Variants in SERP2 observed in about 807,000 individuals in gnomAD.
SERP2 encodes stress associated endoplasmic reticulum protein family member 2.
In SERP2, 6 loss-of-function variants were observed where a neutral mutation model predicts 9.1. The observed-to-expected ratio is 0.66, with a 90% CI of 0.36 to 1.30. SERP2 has a LOEUF of 1.30. Among genes scored for constraint, SERP2 ranks in the 50% most tolerant of loss-of-function variants. The probability of loss-of-function intolerance (pLI) is 0.03; values close to 1 mark genes in which losing one functional copy is unlikely to be tolerated. For synonymous variants in SERP2, 37 were observed against 27.3 expected, an observed-to-expected ratio of 1.35 and a Z score of -1.10; for missense variants, 58 against 81.9, an observed-to-expected ratio of 0.71 and a Z score of 1.13.
intron 2 of SERP2, among the ~76,000 whole-genome samples, chr13:44,381,486 G>T (rs1386532310): frequency 6.6e-6 from 1 of 152,198 alleles, no homozygotes; most frequent in East Asian, 1.9e-4. Flanking sequence ...AGCTTGCAGT[G>T]AGCCGAGATC....
chr13:44,385,909 C>T (rs1297331967), intron 2 of SERP2, among the ~76,000 whole-genome samples: 2 of 152,158 alleles, frequency 1.3e-5, no homozygotes, highest in African/African-American at 2.4e-5. Flanking sequence ...AGGGGCACCA[C>T]GGGACCATCG....
chr13:44,388,929 A>G (rs1168433090), intron 2 of SERP2, among the ~76,000 whole-genome samples: 1 of 152,166 alleles, frequency 6.6e-6, no homozygotes, highest in East Asian at 1.9e-4. Context: ...AGGAAGAAGA[A>G]AAGTACAAGT....
chr13:44,391,309 A>G lies in SERP2; in HGVS notation c.158-5963A>G, dbSNP rs574860789. ...TTTAGAGACATTTGGATCTAAAGGC[A>G]GCCATTTGATGCTGACTCTTTGGGT... On this transcript the variant is annotated intron_variant, in intron 2 of 2. Transcript: ENST00000379179. 3.9e-5 allele frequency among the ~76,000 whole-genome samples: 6 copies of G among 152,348 alleles called. No homozygotes were observed. The South Asian group carries it at 1.2e-3, about 32-fold the overall frequency.
In SERP2 at chr13:44,374,116, C is replaced by T. The variant is rs778043392; in HGVS notation, c.84+7C>T. 1.6e-6 allele frequency: 2 copies of T among 1,277,102 alleles called. No individual in the cohort carries two copies. The highest frequency in any genetic ancestry group is 2.4e-5 in the Admixed American group (1 of 40,880). 79.1% of individuals were successfully genotyped at this position (1,277,102 alleles called of 1,614,324 possible). A position where few individuals can be genotyped will look rare whatever the true frequency, so the allele number is the denominator to read the frequency against. On this transcript the variant is annotated splice_region_variant and intron_variant, in intron 1 of 2. Coordinates refer to ENST00000379179, the MANE Select transcript of SERP2 (RefSeq NM_001010897.3). ...GAACGTAGCCAAAACCCTGGTAAGG[C>T]GGGGTCGGCGCCGGCCAGGCAGAGC...
At chr13:44,389,730 GTGTC>G (rs1872526614) in intron 2 of SERP2, among the ~76,000 whole-genome samples, 1 of 152,178 alleles carries the variant, frequency 6.6e-6, no homozygotes, top group African/African-American at 2.4e-5. Flanking sequence ...AGAGTCAGTG[GTGTC>G]ACCTCTGCAG....
At chr13:44,391,642 A>ACTT (rs1872776628) in intron 2 of SERP2, among the ~76,000 whole-genome samples, 1 of 152,190 alleles carries the variant, frequency 6.6e-6, no homozygotes. Context: ...AGTGGTTCTC[A>ACTT]AAGTGTGGTC....
At chr13:44,393,175 G>A (rs1821186548) in intron 2 of SERP2, among the ~76,000 whole-genome samples, 1 of 152,134 alleles carries the variant, frequency 6.6e-6, no homozygotes, top group South Asian at 2.1e-4. Context: ...GAAGAGAGCA[G>A]AAGATAAAAT....
chr13:44,373,907 T>C lies in SERP2; in HGVS notation c.-119T>C. On this transcript the variant is annotated 5_prime_UTR_variant, in exon 1 of 3. Coordinates refer to ENST00000379179, the MANE Select transcript of SERP2 (RefSeq NM_001010897.3). The surrounding 1 kb of genome is among the most constrained non-coding windows in gnomAD (Gnocchi z 4.8). ...GGTGCGCAGGGCTCGGGGCCACGCC[T>C]TGCCACCTGCAGCGCCCGGGTGGGC... The C allele has an allele frequency of 1.1e-6, 1 of 917,302 alleles. No homozygotes were observed. The highest frequency in any genetic ancestry group is 3.2e-5 in the East Asian group (1 of 31,178). The allele number at this position is 917,302 out of a possible 1,614,324, so 56.8% of individuals were successfully genotyped here.
chr13:44,374,730 G>C (rs368561729), intron 1 of SERP2, among the ~76,000 whole-genome samples: 2 of 152,138 alleles, frequency 1.3e-5, no homozygotes, highest in Non-Finnish European at 2.9e-5. Context: ...AAAATGGGGA[G>C]TGAGATTTGG....
upstream of SERP2, chr13:44,373,788 G>A (rs955788653): frequency 2.1e-5 from 10 of 467,882 alleles, no homozygotes; most frequent in Admixed American, 1.4e-4. The surrounding 1 kb of genome is among the most constrained non-coding windows in gnomAD (Gnocchi z 4.8). Context: ...GAAGGATGGC[G>A]AGGAAGTCGG....
At chr13:44,381,989 AGGATGGAT>A (rs57960396) in intron 2 of SERP2, among the ~76,000 whole-genome samples, 160 of 147,686 alleles carry the variant, frequency 1.1e-3, no homozygotes, top group South Asian at 3.1e-3. Flanking sequence ...GTTAGTGCTT[AGGATGGAT>A]GGATGGATGG....
Position 44,384,230 on chromosome 13 carries a change from G to A in SERP2, c.157+4517G>A, listed in dbSNP as rs551998567. ...GAAACACAATAGCTCCTTTAGATCC[G>A]TCCCTGTTGCCACCTCTCTGGAATT... On this transcript the variant is annotated intron_variant, in intron 2 of 2. Coordinates refer to ENST00000379179, the MANE Select transcript of SERP2 (RefSeq NM_001010897.3). Among the ~76,000 whole-genome samples the A allele has an allele frequency of 6.6e-5, 10 of 152,066 alleles. No homozygotes were observed. The South Asian group carries it at 1.5e-3, about 22-fold the overall frequency.
chr13:44,388,476 A>G (rs1483141747), intron 2 of SERP2, among the ~76,000 whole-genome samples: 2 of 152,202 alleles, frequency 1.3e-5, no homozygotes, highest in East Asian at 3.8e-4. Context: ...TTGCCCATCA[A>G]ATAGGAAATT....
chr13:44,374,005 G>A lies in SERP2; in HGVS notation c.-21G>A, dbSNP rs746582781. Reference sequence around the variant, plus strand: ...GCAGGGGGAATCCTTGCAGGTGGGAGCATTTCAGAGCGCACAAGCCATGGT... The same window carrying A: ...GCAGGGGGAATCCTTGCAGGTGGGAACATTTCAGAGCGCACAAGCCATGGT... On this transcript the variant is annotated 5_prime_UTR_variant, in exon 1 of 3. Transcript: ENST00000379179. The A allele has an allele frequency of 2.5e-6, 4 of 1,587,664 alleles. No individual in the cohort carries two copies. Among genetic ancestry groups the A allele is most frequent in the East Asian group, 4.8e-5 (2 of 42,068 alleles).
At chr13:44,387,607 C>A (rs1467872612) in intron 2 of SERP2, among the ~76,000 whole-genome samples, 1 of 152,148 alleles carries the variant, frequency 6.6e-6, no homozygotes, top group Non-Finnish European at 1.5e-5. Context: ...TTCTTGTGGT[C>A]TCACAGTATT....
At chr13:44,382,952 A>G (rs1313070454) in intron 2 of SERP2, among the ~76,000 whole-genome samples, 5 of 152,214 alleles carry the variant, frequency 3.3e-5, no homozygotes. Context: ...GAACTTCTAA[A>G]TCATACTCAG....
chr13:44,396,745 T>A (rs905715049), intron 2 of SERP2, among the ~76,000 whole-genome samples: 2 of 152,122 alleles, frequency 1.3e-5, no homozygotes, highest in Non-Finnish European at 2.9e-5. Flanking sequence ...GACAGCCGCC[T>A]TTCAGAGAGT....
At chr13:44,381,429 C>G (rs1261394385) in intron 2 of SERP2, among the ~76,000 whole-genome samples, 1 of 152,098 alleles carries the variant, frequency 6.6e-6, no homozygotes, top group African/African-American at 2.4e-5. Flanking sequence ...GTAGTCCCAG[C>G]TACTCAGGAG....
chr13:44,396,479 T>C (rs969376324), intron 2 of SERP2, among the ~76,000 whole-genome samples: 2 of 151,002 alleles, frequency 1.3e-5, no homozygotes, highest in South Asian at 2.1e-4. Flanking sequence ...GTTACTCTTA[T>C]CATTACCATC....
Sources: allele counts gnomAD v4.1 joint callset (sites outside exome capture counted in the v4.1 genomes callset), GRCh38; gene constraint gnomAD v4.1.1; non-coding constraint Gnocchi (gnomAD v3.1); transcripts MANE v1.5; gene names NCBI Gene and HGNC (gene_info 2026-07-23, HGNC 2026-07-21).